Variants in DSTYK observed in about 807,000 individuals in gnomAD.
DSTYK encodes RIP-homologous kinase.
Under a neutral mutation model 98.7 loss-of-function variants are expected in DSTYK, and 34 were observed. The ratio of observed to expected loss-of-function variants is 0.34; its 90% CI spans 0.26 to 0.46. The LOEUF (loss-of-function observed/expected upper bound fraction) is 0.46. Among genes scored for constraint, DSTYK ranks in the 20% least tolerant of loss-of-function variants. The pLI is 1.00. For synonymous variants in DSTYK, 462 were observed against 457.3 expected (o/e 1.01, Z -0.13); for missense variants, 962 against 1,181.7 (o/e 0.81, Z 2.73).
intron 10 of DSTYK, among the ~76,000 whole-genome samples, chr1:205,153,391 G>A (rs1657458212): frequency 6.6e-6 from 1 of 151,960 alleles, no homozygotes; most frequent in Non-Finnish European, 1.5e-5. Flanking sequence ...CAAACCTTAA[G>A]CAATAACAAA....
intron 1 of DSTYK, among the ~76,000 whole-genome samples, chr1:205,196,421 G>A (rs575198540): frequency 3.0e-4 from 46 of 152,278 alleles, no homozygotes; most frequent in African/African-American, 1.0e-3. Context: ...GCTAGGCACG[G>A]TGGCATGTGC....
rs550751931 is a variant in DSTYK, at chr1:205,153,229, G to A, written c.2353-2435C>T. 6.6e-5 allele frequency among the ~76,000 whole-genome samples: 10 copies of A among 152,156 alleles called. No homozygotes were observed. In the South Asian group the frequency reaches 1.9e-3, roughly 28 times the overall value. Reference sequence around the variant, plus strand: ...CATCTTTATAAATCATTTAAGTATTGCCAGAAACAACTTAATGATATGCCA... The same window carrying A: ...CATCTTTATAAATCATTTAAGTATTACCAGAAACAACTTAATGATATGCCA... On this transcript the variant is annotated intron_variant, in intron 10 of 12. Coordinates refer to ENST00000367162, the MANE Select transcript of DSTYK (RefSeq NM_015375.3).
At chr1:205,163,485 C>T (rs1322808580) in intron 4 of DSTYK, among the ~76,000 whole-genome samples, 3 of 152,214 alleles carry the variant, frequency 2.0e-5, no homozygotes, top group East Asian at 1.9e-4. Flanking sequence ...TCCCAAAGTG[C>T]TGGGATTACA....
chr1:205,156,303 C>T (rs747812085), intron 10 of DSTYK, among the ~76,000 whole-genome samples: 1 of 152,196 alleles, frequency 6.6e-6, no homozygotes, highest in East Asian at 1.9e-4. Flanking sequence ...CAACTTGCAC[C>T]GTGTGCCTAG....
rs111552519 is a variant in DSTYK at position 205,180,402 on chromosome 1, T to C, written c.654+7016A>G. 8.7e-3 allele frequency among the ~76,000 whole-genome samples: 1,323 copies of C among 152,264 alleles called. 22 individuals are homozygous for C. The highest frequency in any genetic ancestry group is 0.03 in the African/African-American group (1,247 of 41,548). On this transcript the variant is annotated intron_variant, in intron 2 of 12. Coordinates refer to ENST00000367162, the MANE Select transcript of DSTYK (RefSeq NM_015375.3). ...TCCCGTGTTAGTTTGCTAAGAATGA[T>C]GGCTTCCAGCTTCATCCATGTCCCT... is the stretch of plus-strand genomic sequence containing the variant.
rs142787461 is a variant in DSTYK, at chr1:205,169,488, C to A, written c.999G>T (p.Leu333Phe). The change falls in exon 3 of 13, where the codon TTG becomes TTT. Residue 333 changes from leucine (L) to phenylalanine (F), a missense_variant. By Grantham distance (22) the Leu-to-Phe change is conservative (BLOSUM62 0). Transcript: ENST00000367162. The surrounding 1 kb of genome is among the most constrained non-coding windows in gnomAD (Gnocchi z 4.0). ...GTCTCAGCTTTTCACTCTGTTCCACCAACATGCTCTGAGCTTTAGTATCCT... is the reference window on the plus strand; with the variant it reads ...GTCTCAGCTTTTCACTCTGTTCCACAAACATGCTCTGAGCTTTAGTATCCT... ...PGQDTKAQSMLVEQSEKLRHL... is the reference protein window; with the variant it reads ...PGQDTKAQSMFVEQSEKLRHL... 2.5e-6 allele frequency: 4 copies of A among 1,613,946 alleles called. No homozygotes were observed. Among genetic ancestry groups the A allele is most frequent in the Non-Finnish European group, 3.4e-6 (4 of 1,180,038 alleles).
In DSTYK at chr1:205,211,609, T is replaced by C; in HGVS notation, c.-74A>G. ...GGCCTCCCTCCTCCCCGCCCCCCAG[T>C]GCCGAAGGGAGGAGGAATCCGCCTC... is the stretch of plus-strand genomic sequence containing the variant. On this transcript the variant is annotated 5_prime_UTR_variant, in exon 1 of 13. Transcript: ENST00000367162. 7.1e-7 allele frequency: 1 copy of C among 1,404,162 alleles called. No homozygotes were observed. Among genetic ancestry groups the C allele is most frequent in the Non-Finnish European group, 9.2e-7 (1 of 1,086,518 alleles). 87.0% of individuals were successfully genotyped at this position (1,404,162 alleles called of 1,614,324 possible). A position where few individuals can be genotyped will look rare whatever the true frequency, so the allele number is the denominator to read the frequency against.
At chr1:205,196,816 G>A (rs2102467754) in intron 1 of DSTYK, among the ~76,000 whole-genome samples, 2 of 146,126 alleles carry the variant, frequency 1.4e-5, no homozygotes, top group Middle Eastern at 3.7e-3. Flanking sequence ...CCAAGCTGGA[G>A]TACAATGGCA....
At chr1:205,179,097 C>T (rs1658317761) in intron 2 of DSTYK, among the ~76,000 whole-genome samples, 1 of 151,742 alleles carries the variant, frequency 6.6e-6, no homozygotes. Context: ...CTACTGCACT[C>T]CAGCCTGAGC....
chr1:205,167,877 C>T (rs752984802), intron 3 of DSTYK, among the ~76,000 whole-genome samples: 5 of 152,090 alleles, frequency 3.3e-5, no homozygotes, highest in Admixed American at 1.3e-4. Context: ...TTCGGGAGGC[C>T]GAGGCGGGTA....
intron 10 of DSTYK, among the ~76,000 whole-genome samples, chr1:205,154,673 G>A (rs774093156): frequency 6.6e-6 from 1 of 152,188 alleles, no homozygotes; most frequent in Non-Finnish European, 1.5e-5. Flanking sequence ...AGCGACTTTG[G>A]AACTGAGTAA....
At position 205,168,829 on chromosome 1, in the gene DSTYK, A is replaced by G. The variant is rs771821220; in HGVS notation, c.1324+334T>C. ...CTGCAGGAGCAAAGGTTAAAGCACA[A>G]TTTACTAACATTCTCCAAGCAGCTC... is the stretch of plus-strand genomic sequence containing the variant. On this transcript the variant is annotated intron_variant, in intron 3 of 12. Coordinates refer to ENST00000367162, the MANE Select transcript of DSTYK (RefSeq NM_015375.3). Among the ~76,000 whole-genome samples, 43 of 152,242 alleles carry G rather than the reference A, an allele frequency of 2.8e-4. 1 individual carries two copies. Among genetic ancestry groups the G allele is most frequent in the Non-Finnish European group, 1.2e-4 (8 of 68,050 alleles).
intron 2 of DSTYK, among the ~76,000 whole-genome samples, chr1:205,186,213 C>A (rs958509163): frequency 6.6e-6 from 1 of 152,140 alleles, no homozygotes; most frequent in Non-Finnish European, 1.5e-5. Context: ...ACAAAGATTA[C>A]TGCCAGAGTT....
intron 6 of DSTYK, 43 bp downstream of exon 6, chr1:205,161,993 T>A: frequency 6.3e-7 from 1 of 1,587,382 alleles, no homozygotes; most frequent in South Asian, 1.1e-5. Flanking sequence ...GATGAGGCTC[T>A]TCTCTGCTTG....
At chr1:205,193,490 C>T (rs1294794100) in intron 1 of DSTYK, among the ~76,000 whole-genome samples, 1 of 152,104 alleles carries the variant, frequency 6.6e-6, no homozygotes, top group African/African-American at 2.4e-5. Flanking sequence ...GCTCTCTGAC[C>T]TTCTCCTAGC....
chr1:205,202,223 C>T, intron 1 of DSTYK: 1 of 581,630 alleles, frequency 1.7e-6, no homozygotes, highest in Non-Finnish European at 3.4e-6. Flanking sequence ...CAGAGAACCC[C>T]ACAAAATCAT....
At chr1:205,168,727 G>T (rs145503823) in intron 3 of DSTYK, among the ~76,000 whole-genome samples, 36 of 152,306 alleles carry the variant, frequency 2.4e-4, no homozygotes, top group Middle Eastern at 3.4e-3. Flanking sequence ...AAATCCTCCT[G>T]ATGTGGGCTT....
At chr1:205,204,482 A>AC (rs1553367781) in intron 1 of DSTYK, among the ~76,000 whole-genome samples, 2 of 151,332 alleles carry the variant, frequency 1.3e-5, no homozygotes, top group South Asian at 2.1e-4. Context: ...ACACACACAC[A>AC]ACCACTCAAA....
intron 1 of DSTYK, among the ~76,000 whole-genome samples, chr1:205,193,483 C>T (rs1207215680): frequency 6.6e-6 from 1 of 152,182 alleles, no homozygotes; most frequent in Non-Finnish European, 1.5e-5. Context: ...CAAGGTTGCT[C>T]TCTGACCTTC....
Sources: allele counts gnomAD v4.1 joint callset (sites outside exome capture counted in the v4.1 genomes callset), GRCh38; gene constraint gnomAD v4.1.1; non-coding constraint Gnocchi (gnomAD v3.1); transcripts MANE v1.5; gene names NCBI Gene and HGNC (gene_info 2026-07-23, HGNC 2026-07-21).